TEX9: variants seen among roughly 807,000 people sequenced by gnomAD.
The protein encoded by TEX9 is testis expressed 9.
TEX9 carries 74 observed loss-of-function variants against 59.6 expected under a neutral mutation model. That is an observed-to-expected ratio of 1.24 (90% CI 1.03 to 1.51). The LOEUF (loss-of-function observed/expected upper bound fraction) is 1.51, where lower values mean the gene tolerates loss of function less well. TEX9 is among the 40% of genes most tolerant of loss of function. The pLI is 0.00. For synonymous variants in TEX9, 186 were observed against 152.2 expected (o/e 1.22, Z -1.64); for missense variants, 522 against 447.8 (o/e 1.17, Z -1.49).
chr15:56,313,669 G>T (rs2045682007), intron 1 of TEX9, among the ~76,000 whole-genome samples: 1 of 138,752 alleles, frequency 7.2e-6, no homozygotes, highest in African/African-American at 2.6e-5. Flanking sequence ...CTCATAAAAT[G>T]AGTTAGGGAG....
chr15:56,404,528 T>C (rs2048973734), intron 9 of TEX9, among the ~76,000 whole-genome samples: 1 of 152,216 alleles, frequency 6.6e-6, no homozygotes, highest in South Asian at 2.1e-4. Flanking sequence ...TCTTTTACAC[T>C]GTTGGCAGAG....
intron 1 of TEX9, among the ~76,000 whole-genome samples, chr15:56,333,150 C>T (rs1248918990): frequency 6.6e-6 from 1 of 152,016 alleles, no homozygotes. Flanking sequence ...GGAGAGAATA[C>T]TTCCAAACCA....
At chr15:56,316,892 G>T (rs1422972212) in intron 1 of TEX9, among the ~76,000 whole-genome samples, 2 of 152,174 alleles carry the variant, frequency 1.3e-5, no homozygotes, top group African/African-American at 4.8e-5. Flanking sequence ...CGCAGTATTC[G>T]GGTGGGAGTG....
chr15:56,316,806 C>T (rs1181186542), intron 1 of TEX9, among the ~76,000 whole-genome samples: 1 of 152,224 alleles, frequency 6.6e-6, no homozygotes, highest in African/African-American at 2.4e-5. Flanking sequence ...AGCGAGACTC[C>T]GTGAGCGTAG....
rs77032127 is a variant in TEX9 at position 56,434,970 on chromosome 15, T to G, written c.*29+6497T>G. Among the ~76,000 whole-genome samples, 58 of 152,236 alleles carry G rather than the reference T, an allele frequency of 3.8e-4. No individual in the cohort carries two copies. The East Asian group carries it at 0.011, about 29-fold the overall frequency. The stretch of plus-strand genomic sequence containing the variant: ...AACAGTTAAGTCCTTTCCTATAAGC[T>G]TTTATTTTCTGAACATTTTATTATG... On this transcript the variant is annotated intron_variant, in intron 12 of 12. Transcript: ENST00000352903.
chr15:56,419,346 A>G (rs2049857061), intron 10 of TEX9, among the ~76,000 whole-genome samples: 2 of 151,896 alleles, frequency 1.3e-5, no homozygotes, highest in East Asian at 1.9e-4. Context: ...TGTGGGCTAC[A>G]TATGGTCCCT....
At chr15:56,374,196 G>C (rs1341134999) in intron 3 of TEX9, 1 of 151,766 alleles carries the variant, frequency 6.6e-6, no homozygotes, top group Non-Finnish European at 1.5e-5. Context: ...TTGTACAAAA[G>C]GACCCCACGT....
At chr15:56,356,979 C>T (rs1320116978) in intron 1 of TEX9, among the ~76,000 whole-genome samples, 1 of 152,012 alleles carries the variant, frequency 6.6e-6, no homozygotes, top group Non-Finnish European at 1.5e-5. Context: ...AGCTGGGTCC[C>T]ATTTAGTCGG....
intron 1 of TEX9, 40 bp downstream of exon 1, chr15:56,365,517 C>T (rs2046898662): frequency 3.1e-6 from 5 of 1,614,186 alleles, no homozygotes; most frequent in Non-Finnish European, 4.2e-6. Flanking sequence ...GTCTGGGTTC[C>T]GGCGACTAGG....
chr15:56,307,892 T>C (rs1309366571), intron 1 of TEX9, among the ~76,000 whole-genome samples: 1 of 152,218 alleles, frequency 6.6e-6, no homozygotes, highest in Non-Finnish European at 1.5e-5. Context: ...AGTTCATCCG[T>C]GTTGTAGTTT....
At chr15:56,449,354 T>A (rs2050932295), downstream of TEX9, among the ~76,000 whole-genome samples, 1 of 149,982 alleles carries the variant, frequency 6.7e-6, no homozygotes, top group Non-Finnish European at 1.5e-5. Flanking sequence ...ATGATTCATA[T>A]CAATGGGCTT....
chr15:56,400,652 T>C (rs1277107834), intron 9 of TEX9, among the ~76,000 whole-genome samples: 1 of 151,962 alleles, frequency 6.6e-6, no homozygotes, highest in African/African-American at 2.4e-5. Flanking sequence ...AAGATACTCC[T>C]CGAGAAGAGC....
intron 1 of TEX9, among the ~76,000 whole-genome samples, chr15:56,283,839 A>G (rs1199296038): frequency 2.0e-5 from 3 of 152,242 alleles, no homozygotes; most frequent in Non-Finnish European, 2.9e-5. Context: ...TAACGCTGAT[A>G]TAAATTTGTT....
At chr15:56,338,269 T>G (rs1184409166) in intron 1 of TEX9, among the ~76,000 whole-genome samples, 2 of 152,260 alleles carry the variant, frequency 1.3e-5, no homozygotes, top group Non-Finnish European at 2.9e-5. Flanking sequence ...GCCACTTGGA[T>G]TCTCCTCTTT....
At chr15:56,267,935 C>T (rs1211307237) in intron 1 of TEX9, among the ~76,000 whole-genome samples, 3 of 152,142 alleles carry the variant, frequency 2.0e-5, no homozygotes, top group Admixed American at 6.6e-5. Flanking sequence ...GCCATTTTCA[C>T]GATATTGATT....
chr15:56,406,441 G>A (rs1031490593), intron 9 of TEX9, among the ~76,000 whole-genome samples: 3 of 152,054 alleles, frequency 2.0e-5, no homozygotes, highest in Non-Finnish European at 2.9e-5. Context: ...GTGTGAACAC[G>A]TTTTTATGTA....
chr15:56,391,574 T>C (rs2048212770), intron 7 of TEX9, among the ~76,000 whole-genome samples, 156 bp downstream of exon 7: 1 of 152,032 alleles, frequency 6.6e-6, no homozygotes, highest in South Asian at 2.1e-4. Context: ...GAGGAATGAA[T>C]GGGATTATAG....
intron 1 of TEX9, among the ~76,000 whole-genome samples, chr15:56,301,421 A>G (rs1265484271): frequency 6.6e-6 from 1 of 152,174 alleles, no homozygotes; most frequent in Non-Finnish European, 1.5e-5. Context: ...AAAGATATCA[A>G]TATTCAAGTA....
intron 3 of TEX9, among the ~76,000 whole-genome samples, chr15:56,374,839 G>A (rs1198720252): frequency 1.3e-5 from 2 of 152,112 alleles, no homozygotes; most frequent in African/African-American, 4.8e-5. Flanking sequence ...TTCACTCAAT[G>A]ACTTCCAGTT....
Sources: gnomAD v4.1 joint callset for allele counts (sites outside exome capture counted in the v4.1 genomes callset) on GRCh38, gnomAD v4.1.1 for gene constraint, MANE v1.5 for transcripts, NCBI Gene and HGNC (gene_info 2026-07-23, HGNC 2026-07-21) for gene names.